BLK: variants seen among roughly 807,000 people sequenced by gnomAD.
The protein encoded by BLK is tyrosine-protein kinase Blk.
Under a neutral mutation model 61.8 loss-of-function variants are expected in BLK, and 64 were observed. The observed-to-expected ratio is 1.03, with a 90% CI of 0.85 to 1.27. BLK has a LOEUF of 1.27. Ranked by LOEUF, BLK falls within the 50% of genes most tolerant of loss-of-function variation. The probability of loss-of-function intolerance (pLI) is 0.00; values close to 1 mark genes in which losing one functional copy is unlikely to be tolerated. For missense variants in BLK, 853 were observed against 660.5 expected (o/e 1.29, Z -3.19); for synonymous variants, 351 against 272.0 (o/e 1.29, Z -2.86).
chr8:11,526,750 C>T (rs1163688780), intron 1 of BLK, among the ~76,000 whole-genome samples: 1 of 152,058 alleles, frequency 6.6e-6, no homozygotes, highest in Non-Finnish European at 1.5e-5. Context: ...CTGTTGTGTT[C>T]AGTGCTTATA....
At chr8:11,549,995 C>G (rs1455444116) in intron 5 of BLK, 164 bp from the exon 6 acceptor site, 1 of 693,942 alleles carries the variant, frequency 1.4e-6, no homozygotes, top group East Asian at 2.7e-5. Context: ...GGGCAGAGGG[C>G]ACTGACTCCA....
At chr8:11,521,120 A>G (rs1356470425) in intron 1 of BLK, among the ~76,000 whole-genome samples, 1 of 152,254 alleles carries the variant, frequency 6.6e-6, no homozygotes, top group Non-Finnish European at 1.5e-5. Context: ...GCCCATGATT[A>G]TGTGGGAATT....
chr8:11,550,693 T>C (rs1170139138), intron 6 of BLK, among the ~76,000 whole-genome samples: 1 of 152,224 alleles, frequency 6.6e-6, no homozygotes, highest in Non-Finnish European at 1.5e-5. Flanking sequence ...GCCTGTGCCG[T>C]GATGTAAGAG....
At chr8:11,553,572 A>G (rs994999657) in intron 6 of BLK, 1 of 217,128 alleles carries the variant, frequency 4.6e-6, no homozygotes, top group African/African-American at 2.3e-5. Flanking sequence ...CACCCGACAC[A>G]AGTGCAGCCT....
chr8:11,555,545 T>A, intron 8 of BLK, 61 bp downstream of exon 8: 1 of 1,610,048 alleles, frequency 6.2e-7, no homozygotes. Context: ...GCATCCTGAG[T>A]CCAGGTTCAG....
intron 1 of BLK, among the ~76,000 whole-genome samples, chr8:11,535,675 A>G (rs1800106337): frequency 6.6e-6 from 1 of 152,230 alleles, no homozygotes; most frequent in Admixed American, 6.5e-5. Flanking sequence ...ATGGAGGAAT[A>G]GGGATGCCTG....
At chr8:11,523,898 T>A (rs1316370873) in intron 1 of BLK, among the ~76,000 whole-genome samples, 1 of 152,132 alleles carries the variant, frequency 6.6e-6, no homozygotes, top group Non-Finnish European at 1.5e-5. Flanking sequence ...AATGGCTTCC[T>A]TCATCACGGT....
intron 1 of BLK, among the ~76,000 whole-genome samples, chr8:11,535,257 G>C (rs1800068171): frequency 8.9e-6 from 1 of 111,836 alleles, no homozygotes; most frequent in African/African-American, 3.5e-5. Context: ...AGGAAAGAAA[G>C]AAAGAAGAAA....
At position 11,536,906 on chromosome 8, in the gene BLK, G is replaced by A. The variant is rs555863767; in HGVS notation, c.-1-6318G>A. Among the ~76,000 whole-genome samples, 39 of 152,214 alleles carry A rather than the reference G, an allele frequency of 2.6e-4. No homozygotes were observed. The South Asian group carries it at 4.8e-3, about 19-fold the overall frequency. ...ATGCCCACTCTGAACTGATGGAATC[G>A]GGTGCATGCCTTTCCTCCTTATTTT... On this transcript the variant is annotated intron_variant, in intron 1 of 12. Transcript: ENST00000259089.
At chr8:11,556,169 G>C (rs543012209) in intron 8 of BLK, 1 of 230,166 alleles carries the variant, frequency 4.3e-6, no homozygotes, top group Admixed American at 5.1e-5. Context: ...TGCCCTTCAG[G>C]GGACTTCATG....
chr8:11,564,533 G>T lies in BLK; in HGVS notation c.*425G>T, dbSNP rs1162169476. 4.1e-6 allele frequency: 2 copies of T among 484,394 alleles called. No individual in the cohort carries two copies. The highest frequency in any genetic ancestry group is 3.9e-5 in the African/African-American group (2 of 51,188). The allele number at this position is 484,394 out of a possible 1,614,324, so 30.0% of individuals were successfully genotyped here. A position where few individuals can be genotyped will look rare whatever the true frequency, so the allele number is the denominator to read the frequency against. On this transcript the variant is annotated 3_prime_UTR_variant, in exon 13 of 13. Coordinates refer to ENST00000259089, the MANE Select transcript of BLK (RefSeq NM_001715.3). ...CTGGGTCCCGCGGACGCCAGCAGGG[G>T]CAGCCCCAGCCTAGGCTGCGCTCCA...
intron 1 of BLK, among the ~76,000 whole-genome samples, chr8:11,529,159 CG>C (rs1469661823): frequency 2.0e-5 from 3 of 152,068 alleles, no homozygotes; most frequent in Non-Finnish European, 4.4e-5. Flanking sequence ...AAGTGTAAAT[CG>C]CCCAGTGGGT....
intron 8 of BLK, 113 bp downstream of exon 8, chr8:11,555,597 G>C (rs1050297062): frequency 2.0e-6 from 3 of 1,511,890 alleles, no homozygotes; most frequent in Admixed American, 1.8e-5. Context: ...AGTCTTGAGA[G>C]GGAGCGAGGA....
At chr8:11,509,051 T>A (rs1024648244) in intron 1 of BLK, 1 of 152,222 alleles carries the variant, frequency 6.6e-6, no homozygotes, top group Non-Finnish European at 1.5e-5. Context: ...GCACTGCTAT[T>A]ACTTAGGAGG....
intron 1 of BLK, among the ~76,000 whole-genome samples, chr8:11,518,138 G>A (rs1481427397): frequency 6.6e-6 from 1 of 152,154 alleles, no homozygotes; most frequent in Non-Finnish European, 1.5e-5. Flanking sequence ...CAGGTAGAGA[G>A]CCCAGTTCTC....
chr8:11,544,005 C>A (rs927055450), intron 2 of BLK, among the ~76,000 whole-genome samples: 14 of 151,358 alleles, frequency 9.2e-5, no homozygotes, highest in Non-Finnish European at 1.5e-4. Flanking sequence ...CTCTGCTGCC[C>A]AGGCTGGAGT....
At chr8:11,503,317 G>A (rs549269001) in intron 1 of BLK, among the ~76,000 whole-genome samples, 7 of 152,166 alleles carry the variant, frequency 4.6e-5, no homozygotes, top group Non-Finnish European at 8.8e-5. Flanking sequence ...TCCTGATCTT[G>A]GATGGGAGCT....
intron 2 of BLK, among the ~76,000 whole-genome samples, chr8:11,544,696 C>A (rs1800542574): frequency 6.6e-6 from 1 of 152,110 alleles, no homozygotes; most frequent in South Asian, 2.1e-4. Flanking sequence ...TATGTAGAGT[C>A]ACCAGAGTTG....
chr8:11,539,681 A>G (rs530581506), intron 1 of BLK, among the ~76,000 whole-genome samples: 1 of 152,240 alleles, frequency 6.6e-6, no homozygotes, highest in Non-Finnish European at 1.5e-5. Flanking sequence ...AATATTTATT[A>G]AGCCCACACT....
Sources: gnomAD v4.1 joint callset for allele counts (sites outside exome capture counted in the v4.1 genomes callset) on GRCh38, gnomAD v4.1.1 for gene constraint, MANE v1.5 for transcripts, NCBI Gene and HGNC (gene_info 2026-07-23, HGNC 2026-07-21) for gene names.